Variants in UBR4 observed in about 807,000 individuals in gnomAD.
The protein encoded by UBR4 is E3 ubiquitin-protein ligase UBR4.
A neutral mutation model predicts 575.6 loss-of-function variants in UBR4; 124 were observed. The ratio of observed to expected loss-of-function variants is 0.22; its 90% CI spans 0.19 to 0.25. The LOEUF (loss-of-function observed/expected upper bound fraction) is 0.25, where lower values mean the gene tolerates loss of function less well. Among genes scored for constraint, UBR4 ranks in the 10% least tolerant of loss-of-function variants. The pLI is 1.00. For missense variants in UBR4, 4,818 were observed against 6,478.8 expected (o/e 0.74, Z 8.80); for synonymous variants, 2,455 against 2,473.7 (o/e 0.99, Z 0.22).
chr1:19,176,649 G>A lies in UBR4; in HGVS notation c.2716C>T (p.Pro906Ser), dbSNP rs143753783. 1.9e-6 allele frequency: 3 copies of A among 1,614,036 alleles called. No individual in the cohort carries two copies. Among genetic ancestry groups the A allele is most frequent in the Non-Finnish European group, 2.5e-6 (3 of 1,180,010 alleles). Residue 906 changes from proline to serine, a missense_variant, in exon 20 of 106, where the codon CCT becomes TCT. Around this residue, in one of 29 missense-constraint regions of UBR4, gnomAD observed 1,172 missense variants for 1,259.7 expected, o/e 0.93. Transcript: ENST00000375254. Reference protein sequence around the residue: ...QDSNSRRATTPLYHGFKEVEE... With the variant: ...QDSNSRRATTSLYHGFKEVEE... ...ACTTCTTTGAATCCATGATAGAGAG[G>A]AGTGGTTGCCCGGCGGCTGTTGCTG...
In UBR4 at chr1:19,097,860, G is replaced by T. The variant is rs1301001959; in HGVS notation, c.13303-580C>A. ...CAGACGTCTTTATATAACCATACAA[G>T]GAGGGGGTTCATCCACAATTCTTTA... is the stretch of plus-strand genomic sequence containing the variant. On this transcript the variant is annotated intron_variant, in intron 90 of 105. Transcript: ENST00000375254. 2.0e-5 allele frequency among the ~76,000 whole-genome samples: 3 copies of T among 152,178 alleles called. No homozygotes were observed. In the East Asian group the frequency reaches 5.8e-4, roughly 29 times the overall value.
At chr1:19,159,993 G>C in intron 39 of UBR4, 118 bp downstream of exon 39, 1 of 1,307,264 alleles carries the variant, frequency 7.6e-7, no homozygotes, top group Non-Finnish European at 1.0e-6. Flanking sequence ...TCTAAGTTTT[G>C]GATGGCCAAG....
intron 11 of UBR4, among the ~76,000 whole-genome samples, chr1:19,190,314 T>A (rs55790530): frequency 0.23 from 16,740 of 73,460 alleles, 1,396 homozygotes; most frequent in African/African-American, 0.28. Flanking sequence ...AAAAAAAAAA[T>A]ATATATATAT....
intron 100 of UBR4, 59 bp downstream of exon 100, chr1:19,086,620 C>G: frequency 6.3e-7 from 1 of 1,594,440 alleles, no homozygotes; most frequent in East Asian, 2.2e-5. Context: ...CAGTCCCACC[C>G]GCTCCAGGCC....
At chr1:19,171,300 T>C (rs775812242) in intron 25 of UBR4, among the ~76,000 whole-genome samples, 2 of 152,236 alleles carry the variant, frequency 1.3e-5, no homozygotes, top group African/African-American at 2.4e-5. Flanking sequence ...ACTGGCCTAT[T>C]AGGCCAGATT....
At chr1:19,113,056 G>T in intron 77 of UBR4, 189 bp from the exon 78 acceptor site, 1 of 613,566 alleles carries the variant, frequency 1.6e-6, no homozygotes, top group Non-Finnish European at 2.7e-6. Context: ...GGAGAAAGTG[G>T]CTTGACCAAG....
At chr1:19,080,563 A>G (rs913115824) in intron 103 of UBR4, 1 of 152,186 alleles carries the variant, frequency 6.6e-6, no homozygotes, top group Non-Finnish European at 1.5e-5. Flanking sequence ...CACAAACCCG[A>G]TCTTCCAGAA....
rs1399183587 is a variant in UBR4, at chr1:19,088,651, C to G, written c.14430+108G>C. 1 of 1,091,950 alleles carries G rather than the reference C, an allele frequency of 9.2e-7. No homozygotes were observed. Among genetic ancestry groups the G allele is most frequent in the Non-Finnish European group, 1.4e-6 (1 of 736,844 alleles). 67.6% of individuals were successfully genotyped at this position (1,091,950 alleles called of 1,614,324 possible). A position where few individuals can be genotyped will look rare whatever the true frequency, so the allele number is the denominator to read the frequency against. ...GAACACACCTAGTTCCTTCCTCCTA[C>G]TCTGTCCAGCCTTCTCTTTCCCCAT... is the stretch of plus-strand genomic sequence containing the variant. On this transcript the variant is annotated intron_variant, in intron 98 of 105. Coordinates refer to ENST00000375254, the MANE Select transcript of UBR4 (RefSeq NM_020765.3). This position sits in a 1 kb window ranked among gnomAD's most constrained non-coding sequence, Gnocchi z 4.0.
intron 25 of UBR4, 47 bp from the exon 26 acceptor site, chr1:19,170,930 A>G (rs780381914): frequency 6.2e-7 from 1 of 1,613,266 alleles, no homozygotes; most frequent in Admixed American, 1.7e-5. Flanking sequence ...TTCTAATCCC[A>G]CCAGTTAGGA....
chr1:19,125,355 T>C (rs1037715396), intron 64 of UBR4, among the ~76,000 whole-genome samples: 3 of 152,218 alleles, frequency 2.0e-5, no homozygotes, highest in South Asian at 2.1e-4. Context: ...AAATATGGTT[T>C]CTGCTGAGAG....
chr1:19,164,670 G>C (rs1381907294), intron 32 of UBR4, 129 bp downstream of exon 32: 3 of 1,283,116 alleles, frequency 2.3e-6, no homozygotes, highest in Admixed American at 4.4e-5. Context: ...TAGAATCCTT[G>C]AGTCTAGAGA....
chr1:19,150,879 G>C (rs778353144), intron 48 of UBR4, 86 bp from the exon 49 acceptor site: 2 of 1,336,512 alleles, frequency 1.5e-6, no homozygotes, highest in Non-Finnish European at 2.1e-6. Context: ...TTGGAGCAAA[G>C]AAGTAAATCA....
At chr1:19,084,355 A>T in intron 102 of UBR4, 149 bp downstream of exon 102, 1 of 725,242 alleles carries the variant, frequency 1.4e-6, no homozygotes, top group South Asian at 2.2e-5. Flanking sequence ...AATGCAGATG[A>T]GCATCCCCAC....
intron 17 of UBR4, 49 bp from the exon 18 acceptor site, chr1:19,179,269 A>C: frequency 2.7e-6 from 4 of 1,482,524 alleles, no homozygotes; most frequent in Non-Finnish European, 3.6e-6. Flanking sequence ...ATACGGGATA[A>C]AGTCAAAAGG....
In UBR4 at chr1:19,152,433, A is replaced by G. The variant is rs78132039; in HGVS notation, c.6876T>C (p.Phe2292=). 1.2e-6 allele frequency: 2 copies of G among 1,613,810 alleles called. No homozygotes were observed. Among genetic ancestry groups the G allele is most frequent in the African/African-American group, 2.7e-5 (2 of 74,910 alleles). ...SSQVTFPIDF[F]EHNQQLTDVE... ...CATCTGTCAGCTGCTGGTTGTGTTC[A>G]AAAAAGTCAATGGGGAAAGTCACCT... Residue 2292 remains phenylalanine (F), a synonymous_variant, in exon 47 of 106, where the codon TTT becomes TTC. Coordinates refer to ENST00000375254, the MANE Select transcript of UBR4 (RefSeq NM_020765.3). This position sits in a 1 kb window ranked among gnomAD's most constrained non-coding sequence, Gnocchi z 4.4.
Position 19,154,978 on chromosome 1 carries a change from G to A in UBR4, c.6398C>T (p.Ala2133Val), listed in dbSNP as rs755765268. 14 of 1,614,054 alleles carry A rather than the reference G, an allele frequency of 8.7e-6. No individual in the cohort carries two copies. The highest frequency in any genetic ancestry group is 4.0e-5 in the African/African-American group (3 of 74,926). ...CAGGGTTGTCCTGCTGATGGTGGCT[G>A]CGAATGATTTGCCTTGACAATAGCT... ...FFSYCQGKSF[A>V]ATISRTTLEV... The change falls in exon 44 of 106, where the codon GCA becomes GTA. Residue 2133 changes from alanine to valine, a missense_variant. Coordinates refer to ENST00000375254, the MANE Select transcript of UBR4 (RefSeq NM_020765.3).
chr1:19,110,262 C>T lies in UBR4; in HGVS notation c.11978-39G>A, dbSNP rs1228161927. 9.9e-6 allele frequency: 16 copies of T among 1,614,064 alleles called. No homozygotes were observed. The East Asian group carries it at 3.3e-4, about 34-fold the overall frequency. ...GGAAAGGCAGAGTCACAATCAGGAACACTACACATCTGCTCTGCAGAGGCC... is the reference window on the plus strand; with the variant it reads ...GGAAAGGCAGAGTCACAATCAGGAATACTACACATCTGCTCTGCAGAGGCC... On this transcript the variant is annotated intron_variant, in intron 80 of 105. Coordinates refer to ENST00000375254, the MANE Select transcript of UBR4 (RefSeq NM_020765.3). The surrounding 1 kb of genome is among the most constrained non-coding windows in gnomAD (Gnocchi z 4.5).
chr1:19,078,162 T>C lies in UBR4; in HGVS notation c.15234-96A>G, dbSNP rs1279286928. The C allele has an allele frequency of 4.7e-6, 6 of 1,270,302 alleles. No homozygotes were observed. In the East Asian group the frequency reaches 1.5e-4, roughly 32 times the overall value. 78.7% of individuals were successfully genotyped at this position (1,270,302 alleles called of 1,614,324 possible). A position where few individuals can be genotyped will look rare whatever the true frequency, so the allele number is the denominator to read the frequency against. ...GCTGGGAGCAAGGGAAGAGTCACAG[T>C]GGTGTATGCATCTCGGAGTTCCAGC... is the stretch of plus-strand genomic sequence containing the variant. On this transcript the variant is annotated intron_variant, in intron 103 of 105. Transcript: ENST00000375254.
rs1398914985 is a variant in UBR4, at chr1:19,089,637, T to C, written c.14212-660A>G. Among the ~76,000 whole-genome samples, 6 of 152,172 alleles carry C rather than the reference T, an allele frequency of 3.9e-5. No individual in the cohort carries two copies. The highest frequency in any genetic ancestry group is 8.8e-5 in the Non-Finnish European group (6 of 68,032). On this transcript the variant is annotated intron_variant, in intron 97 of 105. Coordinates refer to ENST00000375254, the MANE Select transcript of UBR4 (RefSeq NM_020765.3). This position sits in a 1 kb window ranked among gnomAD's most constrained non-coding sequence, Gnocchi z 4.3. ...ATCAGAAGGCTAAAGACAGGTGTAG[T>C]TGGAAAAAGCACTCCAGGTGAGCTC...
Sources: gnomAD v4.1 joint callset for allele counts (sites outside exome capture counted in the v4.1 genomes callset) on GRCh38, gnomAD v4.1.1 for gene constraint, gnomAD v4.1.1 regional missense constraint, Gnocchi (gnomAD v3.1) non-coding constraint, MANE v1.5 for transcripts, NCBI Gene and HGNC (gene_info 2026-07-23, HGNC 2026-07-21) for gene names.